ANO10: variants seen among roughly 807,000 people sequenced by gnomAD.
ANO10 encodes anoctamin 10, also known as anoctamin-10.
A neutral mutation model predicts 74.7 loss-of-function variants in ANO10; 77 were observed. The ratio of observed to expected loss-of-function variants is 1.03; its 90% CI spans 0.86 to 1.25. The LOEUF (loss-of-function observed/expected upper bound fraction) is 1.25. Among genes scored for constraint, ANO10 ranks in the 50% most tolerant of loss-of-function variants. The pLI is 0.00. For missense variants in ANO10, 721 were observed against 778.1 expected (o/e 0.93, Z 0.87); for synonymous variants, 279 against 284.9 (o/e 0.98, Z 0.21).
intron 1 of ANO10, among the ~76,000 whole-genome samples, chr3:43,684,604 A>G (rs745682120): frequency 6.6e-6 from 1 of 152,144 alleles, no homozygotes; most frequent in Non-Finnish European, 1.5e-5. Context: ...GGATTATAAA[A>G]CATGCTGCTG....
intron 12 of ANO10, among the ~76,000 whole-genome samples, chr3:43,376,913 C>T (rs565622012): frequency 3.3e-5 from 5 of 152,282 alleles, no homozygotes; most frequent in Admixed American, 3.3e-4. Flanking sequence ...GCGAGGTCTA[C>T]AATCTTCTTG....
intron 10 of ANO10, 22 bp downstream of exon 10, chr3:43,555,255 TA>T: frequency 1.9e-6 from 3 of 1,610,394 alleles, no homozygotes; most frequent in Admixed American, 3.3e-5. Context: ...TTTAAAGGAA[TA>T]ATTTTTTTCT....
At chr3:43,439,066 G>A (rs2093120031) in intron 11 of ANO10, among the ~76,000 whole-genome samples, 1 of 152,016 alleles carries the variant, frequency 6.6e-6, no homozygotes, top group Non-Finnish European at 1.5e-5. Context: ...TGAGCCCAAA[G>A]AGGCCTACAC....
rs150401125 is a variant in ANO10 at position 43,665,835 on chromosome 3, G to A, written c.-12+25682C>T. ...GAATAATGCTCTCATTGTATGCAAC[G>A]CCAGGAACTGATGGTTGTATGAAAT... On this transcript the variant is annotated intron_variant, in intron 1 of 3. Coordinates refer to the ANO10 transcript ENST00000413397. 3.5e-3 allele frequency among the ~76,000 whole-genome samples: 529 copies of A among 152,224 alleles called. 3 individuals carry two copies. Among genetic ancestry groups the A allele is most frequent in the African/African-American group, 0.012 (489 of 41,540 alleles).
intron 1 of ANO10, among the ~76,000 whole-genome samples, chr3:43,628,029 G>C (rs1352227610): frequency 6.6e-6 from 1 of 152,084 alleles, no homozygotes; most frequent in Non-Finnish European, 1.5e-5. Context: ...TGGGACTACA[G>C]GTGTGCATAG....
At chr3:43,450,953 T>G (rs889721023) in intron 11 of ANO10, among the ~76,000 whole-genome samples, 13 of 152,224 alleles carry the variant, frequency 8.5e-5, no homozygotes, top group African/African-American at 2.7e-4. Context: ...TTCTGTTGCT[T>G]AGGCTTTATA....
intron 11 of ANO10, among the ~76,000 whole-genome samples, chr3:43,539,531 T>C (rs1368349037): frequency 6.6e-6 from 1 of 152,104 alleles, no homozygotes; most frequent in East Asian, 1.9e-4. Context: ...GGTCTGTTGT[T>C]GAGAGCGGGA....
intron 11 of ANO10, among the ~76,000 whole-genome samples, chr3:43,474,130 T>C (rs989371522): frequency 3.9e-5 from 6 of 152,234 alleles, no homozygotes; most frequent in Non-Finnish European, 8.8e-5. Context: ...ATGATGATTA[T>C]TGATTTCCAC....
At chr3:43,655,378 C>T (rs1363901908) in intron 1 of ANO10, among the ~76,000 whole-genome samples, 1 of 152,174 alleles carries the variant, frequency 6.6e-6, no homozygotes, top group Non-Finnish European at 1.5e-5. Flanking sequence ...AGCTGCAGAC[C>T]TTGGCGGTGA....
At position 43,414,610 on chromosome 3, in the gene ANO10, T is replaced by G. The variant is rs184150283; in HGVS notation, c.1914+18001A>C. Among the ~76,000 whole-genome samples, 636 of 152,288 alleles carry G rather than the reference T, an allele frequency of 4.2e-3. 4 individuals are homozygous for G. Among genetic ancestry groups the G allele is most frequent in the African/African-American group, 0.015 (615 of 41,568 alleles). ...TTAGCCTTTCAAAACGACCTGTTTT[T>G]GGTTAAAATACAGTGGGATAGTAAA... On this transcript the variant is annotated intron_variant, in intron 12 of 12. Coordinates refer to ENST00000292246, the MANE Select transcript of ANO10 (RefSeq NM_018075.5).
In ANO10 at chr3:43,494,778, T is replaced by C. The variant is rs867140319; in HGVS notation, c.1797+54942A>G. Among the ~76,000 whole-genome samples the C allele has an allele frequency of 1.1e-4, 16 of 152,240 alleles. 1 individual carries two copies. Among genetic ancestry groups the C allele is most frequent in the East Asian group, 7.7e-4 (4 of 5,190 alleles). The stretch of plus-strand genomic sequence containing the variant: ...ATTTTATTGAAGGATATGTAATAAG[T>C]CATTGACAGAGACAGTGAATACGTT... On this transcript the variant is annotated intron_variant, in intron 11 of 12. Transcript: ENST00000292246.
chr3:43,631,181 G>T (rs1392012461), intron 1 of ANO10, among the ~76,000 whole-genome samples: 1 of 152,156 alleles, frequency 6.6e-6, no homozygotes, highest in Non-Finnish European at 1.5e-5. Flanking sequence ...ATTCAGTTCT[G>T]TCCTCCACAT....
chr3:43,654,819 T>A (rs536668787), intron 1 of ANO10, among the ~76,000 whole-genome samples: 10 of 152,252 alleles, frequency 6.6e-5, no homozygotes, highest in Non-Finnish European at 1.0e-4. Context: ...GGTGAAAAAA[T>A]TGGCCCTACC....
rs563409794 is a variant in ANO10, at chr3:43,581,236, T to G, written c.473-764A>C. On this transcript the variant is annotated intron_variant, in intron 4 of 12. Transcript: ENST00000292246. ...TTTTCATTCTTGTTGATACAGAGTA[T>G]TTTCAATCCTTTTCATCTCTTCTAA... Among the ~76,000 whole-genome samples, 23 of 152,374 alleles carry G rather than the reference T, an allele frequency of 1.5e-4. No homozygotes were observed. In the South Asian group the frequency reaches 4.6e-3, roughly 30 times the overall value.
At chr3:43,372,329 C>A (rs900273417) in intron 12 of ANO10, among the ~76,000 whole-genome samples, 9 of 152,310 alleles carry the variant, frequency 5.9e-5, no homozygotes, top group East Asian at 3.9e-4. Context: ...CCTGCCTGCA[C>A]TGAGACGGCA....
At chr3:43,407,279 A>G (rs1458041094) in intron 12 of ANO10, among the ~76,000 whole-genome samples, 1 of 152,200 alleles carries the variant, frequency 6.6e-6, no homozygotes, top group African/African-American at 2.4e-5. Flanking sequence ...AAAAGTTACC[A>G]GACTTGCCCA....
At chr3:43,590,414 TA>T (rs1354920128) in intron 4 of ANO10, among the ~76,000 whole-genome samples, 1 of 152,128 alleles carries the variant, frequency 6.6e-6, no homozygotes, top group Non-Finnish European at 1.5e-5. Flanking sequence ...GGAAGGAAGT[TA>T]GAGAGTTAGG....
chr3:43,664,405 T>C (rs1428003214), intron 1 of ANO10, among the ~76,000 whole-genome samples: 1 of 151,970 alleles, frequency 6.6e-6, no homozygotes, highest in East Asian at 1.9e-4. Flanking sequence ...GACTAAAACA[T>C]AAGACCTAGG....
At chr3:43,548,452 T>C (rs973874500) in intron 11 of ANO10, among the ~76,000 whole-genome samples, 2 of 152,196 alleles carry the variant, frequency 1.3e-5, no homozygotes, top group Non-Finnish European at 2.9e-5. Flanking sequence ...TTCTTTTCCC[T>C]CCCACTCACT....
Sources: gnomAD v4.1 joint callset for allele counts (sites outside exome capture counted in the v4.1 genomes callset) on GRCh38, gnomAD v4.1.1 for gene constraint, MANE v1.5 for transcripts, NCBI Gene and HGNC (gene_info 2026-07-23, HGNC 2026-07-21) for gene names.